MYH13: variants seen among roughly 807,000 people sequenced by gnomAD.
The protein encoded by MYH13 is myosin-13.
MYH13 carries 177 observed loss-of-function variants against 232.1 expected under a neutral mutation model. The observed-to-expected ratio is 0.76, with a 90% confidence interval of 0.67 to 0.86. MYH13 has a LOEUF of 0.86. MYH13 is among the 40% of genes least tolerant of loss of function. The pLI, the probability that MYH13 is intolerant of heterozygous loss-of-function variation, is 0.00. For synonymous variants in MYH13, 884 were observed against 923.5 expected, an observed-to-expected ratio of 0.96 and a Z score of 0.78; for missense variants, 2,246 against 2,405.9, an observed-to-expected ratio of 0.93 and a Z score of 1.39.
Position 10,336,342 on chromosome 17 carries a change from G to A in MYH13, c.2057-3151C>T, listed in dbSNP as rs544270854. ...ATTCTCTCATCCTTCTGCTCCAGCC[G>A]CTGAAGGGTTTTTCCTCTTTATTTC... On this transcript the variant is annotated intron_variant, in intron 18 of 40. Coordinates refer to ENST00000252172, the MANE Select transcript of MYH13 (RefSeq NM_003802.3). Among the ~76,000 whole-genome samples the A allele has an allele frequency of 5.9e-5, 9 of 152,242 alleles. No individual in the cohort carries two copies. In the East Asian group the frequency reaches 9.6e-4, roughly 16 times the overall value.
intron 16 of MYH13, among the ~76,000 whole-genome samples, chr17:10,342,805 A>T (rs1236245911): frequency 6.6e-6 from 1 of 152,134 alleles, no homozygotes; most frequent in African/African-American, 2.4e-5. Context: ...AAATCTGCTC[A>T]TGGGGACAGG....
chr17:10,309,945 A>T (rs2142220868), intron 33 of MYH13, 115 bp from the exon 34 acceptor site: 1 of 936,950 alleles, frequency 1.1e-6, no homozygotes, highest in African/African-American at 1.8e-5. Context: ...ATTAAATTTA[A>T]ATTTTTTTTT....
Position 10,354,684 on chromosome 17 carries a change from G to T in MYH13, c.1001C>A (p.Thr334Lys). 6.2e-7 allele frequency: 1 copy of T among 1,612,472 alleles called. No individual in the cohort carries two copies. The highest frequency in any genetic ancestry group is 8.5e-7 in the Non-Finnish European group (1 of 1,178,752). ...SIDDSEELLA[T>K]DNAIDILGFS... ...ACAAATAAATGGCATGCTTACATCT[G>T]TCGCCAGCAGTTCTTCACTGTCATC... Residue 334 changes from threonine (T) to lysine (K), a missense_variant, in exon 11 of 41, where the codon ACA (threonine) becomes AAA (lysine). Thr to Lys is a moderately conservative substitution (Grantham distance 78, BLOSUM62 -1). Transcript: ENST00000252172.
At chr17:10,354,161 A>G (rs1019429096) in intron 11 of MYH13, among the ~76,000 whole-genome samples, 1 of 152,204 alleles carries the variant, frequency 6.6e-6, no homozygotes, top group Non-Finnish European at 1.5e-5. Context: ...ATTGTTATTA[A>G]GATTATTAAT....
intron 18 of MYH13, among the ~76,000 whole-genome samples, chr17:10,339,428 C>G (rs923131437): frequency 6.6e-6 from 1 of 152,156 alleles, no homozygotes; most frequent in Non-Finnish European, 1.5e-5. Context: ...AACTGGAGAT[C>G]AATACGCGTA....
chr17:10,301,701 C>T lies in MYH13; in HGVS notation c.5670G>A (p.Glu1890=), dbSNP rs1324275008. 5.6e-6 allele frequency: 9 copies of T among 1,613,326 alleles called. No individual in the cohort carries two copies. Among genetic ancestry groups the T allele is most frequent in the Non-Finnish European group, 6.8e-6 (8 of 1,179,932 alleles). ...KSYKRQAEEA[E]EQANTQLSRC... is the part of the protein sequence containing the mutation. ...TGGACAGCTGCGTGTTGGCCTGCTC[C>T]TCCTGCACAGGAGACAGAGGGGGTA... Residue 1890 remains glutamate (E), a splice_region_variant and synonymous_variant, in exon 40 of 41, where the codon GAG becomes GAA. Transcript: ENST00000252172.
intron 2 of MYH13, among the ~76,000 whole-genome samples, chr17:10,365,289 A>G (rs1240125449): frequency 6.6e-6 from 1 of 152,236 alleles, no homozygotes; most frequent in Non-Finnish European, 1.5e-5. Context: ...CTTAATAGAC[A>G]TTTTGGTTAG....
chr17:10,343,217 T>TA (rs1340579381), intron 16 of MYH13, among the ~76,000 whole-genome samples: 3 of 151,838 alleles, frequency 2.0e-5, no homozygotes, highest in Non-Finnish European at 4.4e-5. Context: ...TTTTTTTTTT[T>TA]AATAGAGTCT....
rs762461041 is a variant in MYH13, at chr17:10,350,691, C to T, written c.1009G>A (p.Ala337Thr). The stretch of plus-strand genomic sequence containing the variant: ...GAGCTGAAGCCCAGGATGTCAATGG[C>T]ATTCTGGAAAGAAAAAAAGGACAAC... ...DSEELLATDN[A>T]IDILGFSSEE... Residue 337 changes from alanine to threonine, a missense_variant, in exon 12 of 41, where the codon GCC becomes ACC. Ala to Thr is a moderately conservative substitution (Grantham distance 58). Coordinates refer to ENST00000252172, the MANE Select transcript of MYH13 (RefSeq NM_003802.3). 1 of 1,613,666 alleles carries T rather than the reference C, an allele frequency of 6.2e-7. No individual in the cohort carries two copies. The highest frequency in any genetic ancestry group is 8.5e-7 in the Non-Finnish European group (1 of 1,179,888).
Position 10,306,809 on chromosome 17 carries a change from C to T in MYH13, c.5295+130G>A. The T allele has an allele frequency of 6.5e-7, 1 of 1,546,070 alleles. No homozygotes were observed. Among genetic ancestry groups the T allele is most frequent in the Non-Finnish European group, 8.7e-7 (1 of 1,149,546 alleles). Reference sequence around the variant, plus strand: ...CCACTGCTGAGACTGTACCTCATTACATCTGTCTGGGAAGCCACCACTAAC... The same window carrying T: ...CCACTGCTGAGACTGTACCTCATTATATCTGTCTGGGAAGCCACCACTAAC... On this transcript the variant is annotated intron_variant, in intron 36 of 40. Transcript: ENST00000252172. This position sits in a 1 kb window ranked among gnomAD's most constrained non-coding sequence, Gnocchi z 4.3.
At chr17:10,329,118 A>T (rs1253805922) in intron 21 of MYH13, among the ~76,000 whole-genome samples, 1 of 151,938 alleles carries the variant, frequency 6.6e-6, no homozygotes, top group Non-Finnish European at 1.5e-5. Flanking sequence ...GATTCTTTTC[A>T]TCTCCGTGCT....
At chr17:10,307,461 G>A (rs1047030823) in intron 35 of MYH13, among the ~76,000 whole-genome samples, 3 of 152,040 alleles carry the variant, frequency 2.0e-5, no homozygotes, top group Non-Finnish European at 4.4e-5. Flanking sequence ...CATTTGCAAT[G>A]TACATTACAG....
At chr17:10,323,965 CAGAG>C (rs1212461978) in intron 23 of MYH13, 53 bp downstream of exon 23, 2 of 1,592,788 alleles carry the variant, frequency 1.3e-6, no homozygotes, top group African/African-American at 1.4e-5. Context: ...CTCCTCCTTA[CAGAG>C]AGAGAGAGTG....
rs754697704 is a variant in MYH13 at position 10,350,586 on chromosome 17, C to G, written c.1114G>C (p.Glu372Gln). 12 of 1,613,420 alleles carry G rather than the reference C, an allele frequency of 7.4e-6. No individual in the cohort carries two copies. The highest frequency in any genetic ancestry group is 1.0e-5 in the Non-Finnish European group (12 of 1,179,964). ...GTGCCGTCTGGCTCCGCCTGCTCCT[C>G]ACGCTGCTTCTGCTTGAACTTCATG... ...GNMKFKQKQREEQAEPDGTEV... is the reference protein window; with the variant it reads ...GNMKFKQKQRQEQAEPDGTEV... Residue 372 changes from glutamate to glutamine, a missense_variant, in exon 12 of 41, where the codon GAG becomes CAG. By Grantham distance (29) the Glu-to-Gln change is conservative. Transcript: ENST00000252172.
chr17:10,354,013 T>C (rs1164139666), intron 11 of MYH13, among the ~76,000 whole-genome samples: 1 of 152,112 alleles, frequency 6.6e-6, no homozygotes, highest in African/African-American at 2.4e-5. Context: ...GAAAATTATA[T>C]ATATTTTAAG....
chr17:10,309,719 G>T lies in MYH13; in HGVS notation c.4768C>A (p.Leu1590Ile). ...GCTGCCCGCTGGCTGTTTCTTTTTA[G>T]CTGCTCGATTTCTTCATCCTTCTCA... ...VIEKDEEIEQLKRNSQRAAEA... is the reference protein window; with the variant it reads ...VIEKDEEIEQIKRNSQRAAEA... Residue 1590 changes from leucine to isoleucine, a missense_variant, in exon 34 of 41, where the codon CTA becomes ATA. Leu to Ile is a conservative substitution (Grantham distance 5). Coordinates refer to ENST00000252172, the MANE Select transcript of MYH13 (RefSeq NM_003802.3). 1 of 1,604,480 alleles carries T rather than the reference G, an allele frequency of 6.2e-7. No individual in the cohort carries two copies.
chr17:10,321,316 A>T (rs569702065), intron 24 of MYH13, among the ~76,000 whole-genome samples: 1 of 152,120 alleles, frequency 6.6e-6, no homozygotes, highest in African/African-American at 2.4e-5. Flanking sequence ...AGCTATTTAC[A>T]TCGCCATTTC....
At chr17:10,340,945 T>A (rs2071615295) in intron 16 of MYH13, 1 of 152,226 alleles carries the variant, frequency 6.6e-6, no homozygotes, top group African/African-American at 2.4e-5. Context: ...AGTCCTTTCC[T>A]TTAGAAATCA....
chr17:10,354,648 T>C (rs2071734611), intron 11 of MYH13, 32 bp downstream of exon 11: 3 of 1,576,686 alleles, frequency 1.9e-6, no homozygotes, highest in Non-Finnish European at 2.6e-6. Context: ...AATAATTCTG[T>C]GCATAAACAG....
Sources: gnomAD v4.1 joint callset for allele counts (sites outside exome capture counted in the v4.1 genomes callset) on GRCh38, gnomAD v4.1.1 for gene constraint, Gnocchi (gnomAD v3.1) non-coding constraint, MANE v1.5 for transcripts, NCBI Gene and HGNC (gene_info 2026-07-23, HGNC 2026-07-21) for gene names.